ZNF90: variants seen among roughly 807,000 people sequenced by gnomAD.
ZNF90 encodes the protein zinc finger protein 90, also known as zinc finger protein HTF9.
Under a neutral mutation model 12.0 loss-of-function variants are expected in ZNF90, and 11 were observed. That is an observed-to-expected ratio of 0.92 (90% confidence interval 0.58 to 1.52). The LOEUF (loss-of-function observed/expected upper bound fraction) is 1.52. Ranked by LOEUF, ZNF90 falls within the 40% of genes most tolerant of loss-of-function variation. ZNF90 has a pLI of 0.00. For synonymous variants in ZNF90, 232 were observed against 240.1 expected (o/e 0.97, Z 0.31); for missense variants, 765 against 711.5 (o/e 1.08, Z -0.86).
At chr19:20,106,044 C>CTTTTTTTTTTT (rs56933917) in intron 3 of ZNF90, among the ~76,000 whole-genome samples, 23 of 71,016 alleles carry the variant, frequency 3.2e-4, no homozygotes, top group African/African-American at 4.3e-4. Context: ...CTAATTTTTT[C>CTTTTTTTTTTT]TTTTTTTTTT....
In ZNF90 at chr19:20,118,971, A is replaced by G. The variant is rs201831120; in HGVS notation, c.1417A>G (p.Ile473Val). 4,519 of 1,611,482 alleles carry G rather than the reference A, an allele frequency of 2.8e-3. 8 individuals are homozygous for G. The highest frequency in any genetic ancestry group is 3.6e-3 in the Non-Finnish European group (4,294 of 1,178,678). ...CTCCTCAAACCTTACTACACATAAG[A>G]TAAGTCATACTGAAGAGAAACTCTA... ...KRSSNLTTHK[I>V]SHTEEKLYKC... The change falls in exon 4 of 4, where the codon ATA (isoleucine) becomes GTA (valine). Residue 473 changes from isoleucine (I) to valine (V), a missense_variant. By Grantham distance (29) the Ile-to-Val change is conservative. Coordinates refer to ENST00000418063, the MANE Select transcript of ZNF90 (RefSeq NM_007138.2).
intron 3 of ZNF90, among the ~76,000 whole-genome samples, chr19:20,111,580 T>C (rs2089089279): frequency 6.6e-6 from 1 of 152,184 alleles, no homozygotes. Context: ...ATTATTGTGT[T>C]ATGTGTTTCT....
chr19:20,118,648 GAGAGA>G lies in ZNF90; in HGVS notation c.1096_1100del (p.Glu366ThrfsTer5). On this transcript the variant is annotated frameshift_variant, in exon 4 of 4. Coordinates refer to ENST00000418063, the MANE Select transcript of ZNF90 (RefSeq NM_007138.2). LOFTEE classifies it low-confidence loss of function (END_TRUNC). ...CGTACACATAAGAGAATTCATACTGGAGAGAAACCCTACAAGTGTGATAAATGTGG... is the reference window on the plus strand; with the variant it reads ...CGTACACATAAGAGAATTCATACTGGAACCCTACAAGTGTGATAAATGTGG... 3 of 1,566,390 alleles carry G rather than the reference GAGAGA, an allele frequency of 1.9e-6. No homozygotes were observed. The highest frequency in any genetic ancestry group is 2.6e-6 in the Non-Finnish European group (3 of 1,157,200).
chr19:20,111,915 G>A (rs2089092866), intron 3 of ZNF90, among the ~76,000 whole-genome samples: 1 of 150,994 alleles, frequency 6.6e-6, no homozygotes, highest in Admixed American at 6.6e-5. Context: ...CTGGAGTACA[G>A]TGGCATGATC....
chr19:20,091,125 C>T (rs562301743), intron 1 of ZNF90, among the ~76,000 whole-genome samples: 41 of 152,250 alleles, frequency 2.7e-4, no homozygotes, highest in African/African-American at 9.9e-4. Context: ...AGGCCTCTAC[C>T]CATCCAGTGA....
chr19:20,119,416 T>A lies in ZNF90; in HGVS notation c.*56T>A. 1 of 1,462,390 alleles carries A rather than the reference T, an allele frequency of 6.8e-7. No homozygotes were observed. The highest frequency in any genetic ancestry group is 1.4e-5 in the African/African-American group (1 of 70,702). 90.6% of individuals were successfully genotyped at this position (1,462,390 alleles called of 1,614,324 possible). ...TAATTCATACTGGAGAGAAACCGTA[T>A]AAATGTGATGACTGTTGGAAAGCCT... On this transcript the variant is annotated 3_prime_UTR_variant, in exon 4 of 4. Transcript: ENST00000418063.
At chr19:20,090,899 AG>A (rs1555702657) in intron 1 of ZNF90, among the ~76,000 whole-genome samples, 1 of 152,192 alleles carries the variant, frequency 6.6e-6, no homozygotes, top group Non-Finnish European at 1.5e-5. Context: ...TGGCTTTAAA[AG>A]ACCATTAGTC....
At position 20,117,863 on chromosome 19, in the gene ZNF90, T is replaced by C. The variant is rs372442900; in HGVS notation, c.309T>C (p.Tyr103=). ...TCCAAAAAGTGATAGTGACAAGATA[T>C]GAAAAACGTGAATATGGCAATTTAG... ...DSFQKVIVTR[Y]EKREYGNLEL... is the part of the protein sequence containing the mutation. Residue 103 remains tyrosine (Y), a synonymous_variant, in exon 4 of 4, where the codon TAT becomes TAC. Transcript: ENST00000418063. 6.7e-5 allele frequency: 107 copies of C among 1,608,994 alleles called. No individual in the cohort carries two copies. The highest frequency in any genetic ancestry group is 7.6e-5 in the Non-Finnish European group (90 of 1,177,670).
intron 1 of ZNF90, among the ~76,000 whole-genome samples, chr19:20,081,766 C>CTTTTTT (rs1188295118): frequency 6.9e-6 from 1 of 144,170 alleles, no homozygotes; most frequent in African/African-American, 2.8e-5. Flanking sequence ...TTCTTTCTTT[C>CTTTTTT]TTCTTTTTTT....
At chr19:20,116,697 C>G (rs1219155403) in intron 3 of ZNF90, among the ~76,000 whole-genome samples, 1 of 152,006 alleles carries the variant, frequency 6.6e-6, no homozygotes, top group East Asian at 1.9e-4. Flanking sequence ...ATTTCTCAAA[C>G]ATGTTCTTAG....
intron 3 of ZNF90, among the ~76,000 whole-genome samples, chr19:20,110,979 C>G (rs1207684012): frequency 6.6e-6 from 1 of 152,080 alleles, no homozygotes. Flanking sequence ...GACGTTGTTA[C>G]TCTTGAATTG....
At chr19:20,099,406 A>T (rs987681841) in intron 1 of ZNF90, among the ~76,000 whole-genome samples, 1 of 152,192 alleles carries the variant, frequency 6.6e-6, no homozygotes, top group Non-Finnish European at 1.5e-5. Flanking sequence ...CAATTACTGA[A>T]TACCCATTGT....
intron 1 of ZNF90, among the ~76,000 whole-genome samples, chr19:20,094,850 GA>G (rs1555703077): frequency 6.6e-6 from 1 of 152,152 alleles, no homozygotes. Context: ...GTCTGATAGA[GA>G]AAAAGGTACA....
At chr19:20,113,583 A>G (rs1486441485) in intron 3 of ZNF90, among the ~76,000 whole-genome samples, 6 of 151,964 alleles carry the variant, frequency 3.9e-5, no homozygotes, top group African/African-American at 1.4e-4. Flanking sequence ...TAATCCCAGC[A>G]CTTTGGGAGG....
intron 1 of ZNF90, among the ~76,000 whole-genome samples, chr19:20,092,797 G>T (rs1398472298): frequency 1.3e-5 from 2 of 152,118 alleles, no homozygotes; most frequent in Admixed American, 6.6e-5. Flanking sequence ...CTTTGGAGGG[G>T]GATACCCGAT....
intron 3 of ZNF90, among the ~76,000 whole-genome samples, chr19:20,113,980 AAAT>A (rs1216720801): frequency 5.1e-4 from 77 of 152,302 alleles, no homozygotes; most frequent in African/African-American, 1.6e-3. Flanking sequence ...ATGTGTCAAA[AAAT>A]AATAAAATTT....
rs782606963 is a variant in ZNF90, at chr19:20,118,599, G to T, written c.1045G>T (p.Ala349Ser). 5.6e-6 allele frequency: 9 copies of T among 1,612,552 alleles called. No homozygotes were observed. The highest frequency in any genetic ancestry group is 2.7e-5 in the African/African-American group (2 of 74,744). The change falls in exon 4 of 4, where the codon GCC becomes TCC. Residue 349 changes from alanine (A) to serine (S), a missense_variant. Ala to Ser is a moderately conservative substitution (Grantham distance 99). Coordinates refer to ENST00000418063, the MANE Select transcript of ZNF90 (RefSeq NM_007138.2). The stretch of plus-strand genomic sequence containing the variant: ...CTACAAATGTGAAGAATGTGGCAAA[G>T]CCTTCAGGCGCTCCTTAGTCCTTCG... ...KPYKCEECGK[A>S]FRRSLVLRTH...
intron 3 of ZNF90, among the ~76,000 whole-genome samples, chr19:20,108,695 G>T (rs2089060405): frequency 7.0e-6 from 1 of 142,806 alleles, no homozygotes; most frequent in African/African-American, 2.6e-5. Flanking sequence ...ATTGTTTGTA[G>T]TTCTATATTA....
At position 20,118,516 on chromosome 19, in the gene ZNF90, C is replaced by A. The variant is rs782351604; in HGVS notation, c.962C>A (p.Ala321Asp). The change falls in exon 4 of 4, where the codon GCC becomes GAC. Residue 321 changes from alanine to aspartate, a missense_variant. Ala to Asp is a moderately radical substitution (Grantham distance 126). Coordinates refer to ENST00000418063, the MANE Select transcript of ZNF90 (RefSeq NM_007138.2). ...KPYKCEECGKAFKLSSILSTH... is the reference protein window; with the variant it reads ...KPYKCEECGKDFKLSSILSTH... Reference sequence around the variant, plus strand: ...TACAAATGTGAAGAATGTGGCAAAGCCTTCAAGCTCTCCTCAATCCTTAGT... The same window carrying A: ...TACAAATGTGAAGAATGTGGCAAAGACTTCAAGCTCTCCTCAATCCTTAGT... The A allele has an allele frequency of 6.2e-7, 1 of 1,613,262 alleles. No individual in the cohort carries two copies. The highest frequency in any genetic ancestry group is 1.7e-5 in the Admixed American group (1 of 59,910).
Sources: allele counts gnomAD v4.1 joint callset (sites outside exome capture counted in the v4.1 genomes callset), GRCh38; gene constraint gnomAD v4.1.1; transcripts MANE v1.5; gene names NCBI Gene and HGNC (gene_info 2026-07-23, HGNC 2026-07-21).